NHEJ1: variants seen among roughly 807,000 people sequenced by gnomAD.
The protein encoded by NHEJ1 is non-homologous end-joining factor 1.
Under a neutral mutation model 39.4 loss-of-function variants are expected in NHEJ1, and 22 were observed. The ratio of observed to expected loss-of-function variants is 0.56; its 90% CI spans 0.40 to 0.80. The LOEUF is 0.80. NHEJ1 is among the 30% of genes least tolerant of loss of function. The pLI, the probability that NHEJ1 is intolerant of heterozygous loss-of-function variation, is 0.00. For missense variants in NHEJ1, 329 were observed against 357.1 expected (o/e 0.92, Z 0.63); for synonymous variants, 154 against 135.6 (o/e 1.14, Z -0.94).
chr2:219,083,732 T>C (rs1949087184), intron 5 of NHEJ1, among the ~76,000 whole-genome samples: 1 of 152,244 alleles, frequency 6.6e-6, no homozygotes, highest in Non-Finnish European at 1.5e-5. Context: ...AAGAAATGTC[T>C]GTTCCTTCCC....
intron 3 of NHEJ1, 122 bp from the exon 4 acceptor site, chr2:219,147,917 G>A: frequency 2.1e-6 from 2 of 935,340 alleles, no homozygotes; most frequent in Non-Finnish European, 1.6e-6. Context: ...AGTTTCATAG[G>A]CAAGTAACCC....
intron 3 of NHEJ1, 91 bp from the exon 4 acceptor site, chr2:219,147,886 A>G: frequency 1.5e-6 from 2 of 1,325,634 alleles, no homozygotes; most frequent in Non-Finnish European, 1.1e-6. Context: ...CCGAAAAATA[A>G]ATGTTCTTAC....
rs565252364 is a variant in NHEJ1, at chr2:219,076,229, C to T, written c.*152G>A. ...ACAGGGAAGGCCAATTCCCTGTGGG[C>T]CTGTCAACATCAACTTCAGTTCTCT... is the stretch of plus-strand genomic sequence containing the variant. On this transcript the variant is annotated 3_prime_UTR_variant, in exon 8 of 8. Coordinates refer to ENST00000356853, the MANE Select transcript of NHEJ1 (RefSeq NM_024782.3). 3 of 1,518,954 alleles carry T rather than the reference C, an allele frequency of 2.0e-6. No individual in the cohort carries two copies. The Admixed American group carries it at 6.0e-5, about 30-fold the overall frequency. 94.1% of individuals were successfully genotyped at this position (1,518,954 alleles called of 1,614,324 possible).
intron 6 of NHEJ1, 43 bp downstream of exon 6, chr2:219,078,046 T>C (rs773489541): frequency 8.2e-6 from 11 of 1,341,986 alleles, no homozygotes; most frequent in Non-Finnish European, 2.1e-6. Flanking sequence ...ACCTAGATCC[T>C]AATTGTATCC....
chr2:219,082,404 C>T (rs898172242), intron 5 of NHEJ1, among the ~76,000 whole-genome samples: 1 of 152,188 alleles, frequency 6.6e-6, no homozygotes, highest in Non-Finnish European at 1.5e-5. Context: ...AAACTCACTC[C>T]CAGTGGTCCA....
chr2:219,087,926 AAGACTT>A (rs1412755281), intron 5 of NHEJ1, among the ~76,000 whole-genome samples: 13 of 152,384 alleles, frequency 8.5e-5, no homozygotes, highest in African/African-American at 1.4e-4. Flanking sequence ...CAGTAAGAAA[AAGACTT>A]AGTCATACCT....
chr2:219,087,436 C>T (rs1319710272), intron 5 of NHEJ1, among the ~76,000 whole-genome samples: 3 of 151,580 alleles, frequency 2.0e-5, no homozygotes, highest in African/African-American at 7.3e-5. Context: ...GTGTGTAGGG[C>T]ACAAAGTTGA....
At chr2:219,112,433 C>T (rs1258732846) in intron 5 of NHEJ1, among the ~76,000 whole-genome samples, 1 of 152,168 alleles carries the variant, frequency 6.6e-6, no homozygotes, top group African/African-American at 2.4e-5. Context: ...TAATTCCATT[C>T]CAGCTAACTG....
chr2:219,142,632 T>C (rs1949702365), intron 5 of NHEJ1, among the ~76,000 whole-genome samples: 1 of 152,230 alleles, frequency 6.6e-6, no homozygotes, highest in South Asian at 2.1e-4. Context: ...CTCCCTCCAG[T>C]GGACTAGACT....
chr2:219,158,063 T>C, intron 2 of NHEJ1, 123 bp downstream of exon 2: 1 of 881,258 alleles, frequency 1.1e-6, no homozygotes, highest in Admixed American at 1.8e-5. Flanking sequence ...GAAGTACAGG[T>C]AGAAGTACAG....
rs12694451 is a variant in NHEJ1 at position 219,157,352 on chromosome 2, A to G, written c.390+120T>C. The G allele has an allele frequency of 0.57, 485,951 of 845,326 alleles. 146,642 individuals carry two copies. The highest frequency in any genetic ancestry group is 0.64 in the Non-Finnish European group (327,861 of 515,652). The allele number at this position is 845,326 out of a possible 1,614,324, so 52.4% of individuals were successfully genotyped here. A position where few individuals can be genotyped will look rare whatever the true frequency, so the allele number is the denominator to read the frequency against. ...CTTTTTGCCTTCTGTTTAGTCAAGG[A>G]AAGTTTTCTGATTGGAGAAGAATTT... On this transcript the variant is annotated intron_variant, in intron 3 of 7. Transcript: ENST00000356853.
chr2:219,126,258 T>C (rs1344705312), intron 5 of NHEJ1, among the ~76,000 whole-genome samples: 2 of 152,362 alleles, frequency 1.3e-5, no homozygotes, highest in Non-Finnish European at 2.9e-5. Context: ...CATGGGATAA[T>C]GGGGAAAAGC....
In NHEJ1 at chr2:219,157,537, G is replaced by A. The variant is rs1307944268; in HGVS notation, c.325C>T (p.Arg109Ter). Residue 109 changes from arginine to a stop codon, truncating the protein, a stop_gained, in exon 3 of 8, where the codon CGA (arginine) becomes TGA (stop). Coordinates refer to ENST00000356853, the MANE Select transcript of NHEJ1 (RefSeq NM_024782.3). LOFTEE classifies it high-confidence loss of function. Reference protein sequence around the residue: ...CVADALILRVRSELSGLPFYW... With the variant: ...CVADALILRV ...AAGGGGAGGCCAGAGAGCTCACTTC[G>A]CACCCGTAGAATCAGTGCATCTGCC... 8 of 1,614,136 alleles carry A rather than the reference G, an allele frequency of 5.0e-6. No homozygotes were observed. Among genetic ancestry groups the A allele is most frequent in the South Asian group, 1.1e-5 (1 of 91,084 alleles).
intron 3 of NHEJ1, among the ~76,000 whole-genome samples, chr2:219,149,239 G>A (rs1044576541): frequency 6.6e-6 from 1 of 152,054 alleles, no homozygotes; most frequent in Non-Finnish European, 1.5e-5. Context: ...CCATACTGCC[G>A]TACAAATAGG....
chr2:219,146,843 G>GTGTCTC, intron 4 of NHEJ1, 105 bp from the exon 5 acceptor site: 1 of 892,894 alleles, frequency 1.1e-6, no homozygotes, highest in Non-Finnish European at 1.9e-6. Flanking sequence ...GAGGAGGAAG[G>GTGTCTC]TGCATCATGC....
chr2:219,156,709 T>C (rs1369189799), intron 3 of NHEJ1, among the ~76,000 whole-genome samples: 1 of 152,242 alleles, frequency 6.6e-6, no homozygotes, highest in Non-Finnish European at 1.5e-5. Flanking sequence ...AGGATAACAG[T>C]ACTTATCCTG....
Position 219,147,702 on chromosome 2 carries a change from G to C in NHEJ1, c.484C>G (p.Leu162Val). The change falls in exon 4 of 8, where the codon CTA becomes GTA. Residue 162 changes from leucine to valine, a missense_variant. Leu to Val is a conservative substitution (Grantham distance 32, BLOSUM62 1). Coordinates refer to ENST00000356853, the MANE Select transcript of NHEJ1 (RefSeq NM_024782.3). ...CTCTCCTGGTAGTCTTGGATCTCTA[G>C]GTCTTTCATATGAAGTAACGTTGCT... ...ELATLLHMKDLEIQDYQESGA... is the reference protein window; with the variant it reads ...ELATLLHMKDVEIQDYQESGA... 1 of 1,614,174 alleles carries C rather than the reference G, an allele frequency of 6.2e-7. No homozygotes were observed. The highest frequency in any genetic ancestry group is 8.5e-7 in the Non-Finnish European group (1 of 1,180,048).
intron 3 of NHEJ1, among the ~76,000 whole-genome samples, chr2:219,148,924 C>G (rs1367643448): frequency 6.6e-6 from 1 of 151,808 alleles, no homozygotes; most frequent in African/African-American, 2.4e-5. Context: ...GCTCATGTTG[C>G]CCAGGCTACA....
At chr2:219,114,027 G>C (rs1016362414) in intron 5 of NHEJ1, among the ~76,000 whole-genome samples, 1 of 152,122 alleles carries the variant, frequency 6.6e-6, no homozygotes, top group Admixed American at 6.5e-5. Flanking sequence ...AGTGGGGCAG[G>C]GGCTGAAAAC....
Sources: gnomAD v4.1 joint callset for allele counts (sites outside exome capture counted in the v4.1 genomes callset) on GRCh38, gnomAD v4.1.1 for gene constraint, MANE v1.5 for transcripts, NCBI Gene and HGNC (gene_info 2026-07-23, HGNC 2026-07-21) for gene names.